SGCZ: variants seen among roughly 807,000 people sequenced by gnomAD.
SGCZ encodes the protein zeta-sarcoglycan.
A neutral mutation model predicts 41.3 loss-of-function variants in SGCZ; 40 were observed. That is an observed-to-expected ratio of 0.97 (90% CI 0.75 to 1.26). The LOEUF (loss-of-function observed/expected upper bound fraction) is 1.26, where lower values mean the gene tolerates loss of function less well. Ranked by LOEUF, SGCZ falls within the 50% of genes most tolerant of loss-of-function variation. SGCZ has a pLI of 0.00. For synonymous variants in SGCZ, 206 were observed against 137.5 expected (o/e 1.50, Z -3.49); for missense variants, 552 against 369.8 (o/e 1.49, Z -4.04).
intron 1 of SGCZ, among the ~76,000 whole-genome samples, chr8:15,144,511 C>T (rs917717298): frequency 2.8e-4 from 42 of 152,030 alleles, no homozygotes; most frequent in African/African-American, 9.4e-4. Flanking sequence ...GTCACCCAGG[C>T]TTCAGTGCAG....
intron 1 of SGCZ, among the ~76,000 whole-genome samples, chr8:14,571,947 T>G (rs1369399399): frequency 2.6e-5 from 4 of 152,146 alleles, no homozygotes; most frequent in Non-Finnish European, 5.9e-5. Flanking sequence ...ATAGAAAAGG[T>G]AGGTTGGAAT....
chr8:14,358,707 G>T (rs1490877671), intron 2 of SGCZ, among the ~76,000 whole-genome samples: 2 of 152,062 alleles, frequency 1.3e-5, no homozygotes, highest in Admixed American at 1.3e-4. Context: ...CACCTCTCGG[G>T]TTCAAGCAAT....
chr8:14,722,831 T>C (rs1809931404), intron 1 of SGCZ, among the ~76,000 whole-genome samples: 2 of 152,164 alleles, frequency 1.3e-5, no homozygotes. Flanking sequence ...TTTATGTATA[T>C]TTATATAAGT....
chr8:14,261,505 T>C (rs1799665702), intron 3 of SGCZ, among the ~76,000 whole-genome samples: 2 of 152,180 alleles, frequency 1.3e-5, no homozygotes, highest in African/African-American at 4.8e-5. Flanking sequence ...TCACTCCCTT[T>C]GAAAGTTTTG....
intron 1 of SGCZ, among the ~76,000 whole-genome samples, chr8:15,171,539 C>G (rs543193818): frequency 6.6e-6 from 1 of 152,314 alleles, no homozygotes; most frequent in East Asian, 1.9e-4. Flanking sequence ...AGCTACTTCT[C>G]TTTTTAGCTG....
rs192618533 is a variant in SGCZ at position 14,515,367 on chromosome 8, T to C, written c.234+39365A>G. 9.2e-5 allele frequency among the ~76,000 whole-genome samples: 14 copies of C among 152,240 alleles called. No individual in the cohort carries two copies. In the East Asian group the frequency reaches 2.3e-3, roughly 25 times the overall value. On this transcript the variant is annotated intron_variant, in intron 2 of 7. Transcript: ENST00000382080. ...AAGCTATTTTTAAATATTTAGCATT[T>C]TTAGAAAGTTTCAATAGCAGGAGGG... is the stretch of plus-strand genomic sequence containing the variant.
chr8:14,913,975 CATA>C (rs1306150700), intron 1 of SGCZ, among the ~76,000 whole-genome samples: 1 of 151,254 alleles, frequency 6.6e-6, no homozygotes, highest in Non-Finnish European at 1.5e-5. Context: ...AAGTTTGTAG[CATA>C]ATAAAAAAAA....
At chr8:14,881,301 T>C (rs557687027) in intron 1 of SGCZ, among the ~76,000 whole-genome samples, 1 of 152,252 alleles carries the variant, frequency 6.6e-6, no homozygotes, top group South Asian at 2.1e-4. Context: ...ATTTTATTCA[T>C]ATTTACTTTA....
chr8:14,484,077 T>C (rs11987708), intron 2 of SGCZ, among the ~76,000 whole-genome samples: 137,926 of 152,216 alleles, frequency 0.91, 63,825 homozygotes, highest in East Asian at 1. Context: ...GTTACTTTAT[T>C]ATACCTGAAG....
At chr8:14,615,626 A>C (rs2117353173) in intron 1 of SGCZ, among the ~76,000 whole-genome samples, 1 of 152,302 alleles carries the variant, frequency 6.6e-6, no homozygotes, top group East Asian at 1.9e-4. Flanking sequence ...CCCCGGAAGA[A>C]CCCAGTAAGA....
intron 2 of SGCZ, among the ~76,000 whole-genome samples, chr8:14,406,031 G>A (rs1799203533): frequency 6.6e-6 from 1 of 152,094 alleles, no homozygotes; most frequent in African/African-American, 2.4e-5. Context: ...AACAGCTGTT[G>A]TTAAATCACA....
chr8:14,690,625 T>C (rs1455779114), intron 1 of SGCZ: 4 of 152,196 alleles, frequency 2.6e-5, no homozygotes, highest in Admixed American at 6.5e-5. Context: ...ATTTGGTTTC[T>C]AGTCACACAT....
chr8:15,197,658 A>T (rs752347536), intron 1 of SGCZ, among the ~76,000 whole-genome samples: 1 of 152,140 alleles, frequency 6.6e-6, no homozygotes, highest in Admixed American at 6.5e-5. Flanking sequence ...CAGAGCTGTG[A>T]CTTAAGACCC....
At chr8:14,220,131 G>T (rs992019064) in intron 4 of SGCZ, among the ~76,000 whole-genome samples, 4 of 152,126 alleles carry the variant, frequency 2.6e-5, no homozygotes, top group Admixed American at 2.6e-4. Context: ...TCAAAAAGAT[G>T]CATATAAACG....
At position 14,952,121 on chromosome 8, in the gene SGCZ, G is replaced by C. The variant is rs1404496140; in HGVS notation, c.39+285464C>G. ...GGTAAGAGTGCTGGGGTCAATTATA[G>C]TTTCAGACCTAGATAAACTAACACA... On this transcript the variant is annotated intron_variant, in intron 1 of 7. Coordinates refer to ENST00000382080, the MANE Select transcript of SGCZ (RefSeq NM_139167.4). Among the ~76,000 whole-genome samples, 6 of 152,078 alleles carry C rather than the reference G, an allele frequency of 3.9e-5. No homozygotes were observed. The South Asian group carries it at 8.3e-4, about 21-fold the overall frequency.
intron 3 of SGCZ, among the ~76,000 whole-genome samples, chr8:14,276,395 G>C (rs1018406723): frequency 6.6e-6 from 1 of 152,076 alleles, no homozygotes; most frequent in African/African-American, 2.4e-5. Context: ...TTCGATATCA[G>C]GGTTTCATTG....
intron 1 of SGCZ, among the ~76,000 whole-genome samples, chr8:14,744,951 T>A (rs1799300517): frequency 1.3e-5 from 2 of 152,194 alleles, no homozygotes; most frequent in African/African-American, 4.8e-5. Flanking sequence ...CTGACTAGAC[T>A]GATATCTCCT....
intron 1 of SGCZ, among the ~76,000 whole-genome samples, chr8:14,954,627 G>T (rs992140480): frequency 3.3e-5 from 5 of 152,090 alleles, no homozygotes; most frequent in African/African-American, 1.2e-4. Context: ...GAGGTAAGGG[G>T]CAATGGGCAG....
intron 2 of SGCZ, among the ~76,000 whole-genome samples, chr8:14,376,340 T>TA (rs113089440): frequency 5.0e-4 from 76 of 151,234 alleles, no homozygotes; most frequent in East Asian, 9.7e-4. Flanking sequence ...AAAAATAAAA[T>TA]AAAAAAAATA....
Sources: allele counts gnomAD v4.1 joint callset (sites outside exome capture counted in the v4.1 genomes callset), GRCh38; gene constraint gnomAD v4.1.1; transcripts MANE v1.5; gene names NCBI Gene and HGNC (gene_info 2026-07-23, HGNC 2026-07-21).